The following CEP89 variants were observed in gnomAD, a reference collection of about 807,000 sequenced individuals.
CEP89 encodes the protein centrosomal protein of 89 kDa.
Under a neutral mutation model 97.6 loss-of-function variants are expected in CEP89, and 95 were observed. That is an observed-to-expected ratio of 0.97 (90% CI 0.82 to 1.15). CEP89 has a LOEUF of 1.15. CEP89 is among the 50% of genes most tolerant of loss of function. The pLI is 0.00. For missense variants in CEP89, 869 were observed against 947.7 expected, an observed-to-expected ratio of 0.92 and a Z score of 1.09; for synonymous variants, 354 against 349.1, an observed-to-expected ratio of 1.01 and a Z score of -0.16.
At chr19:32,911,533 G>A (rs1356227576) in intron 14 of CEP89, among the ~76,000 whole-genome samples, 1 of 152,178 alleles carries the variant, frequency 6.6e-6, no homozygotes, top group Non-Finnish European at 1.5e-5. Context: ...CGTGCCTGTG[G>A]TCCCAGCTAC....
At chr19:32,918,193 G>T in intron 13 of CEP89, 31 bp downstream of exon 13, 2 of 1,498,072 alleles carry the variant, frequency 1.3e-6, no homozygotes, top group Non-Finnish European at 1.9e-6. Flanking sequence ...TGACATCAAT[G>T]CATGACCAGT....
At chr19:32,885,893 C>T (rs79473838) in intron 17 of CEP89, among the ~76,000 whole-genome samples, 240 of 152,288 alleles carry the variant, frequency 1.6e-3, no homozygotes, top group Middle Eastern at 3.4e-3. Context: ...CTGTCTTTCT[C>T]GGTTCTAGCT....
intron 1 of CEP89, 53 bp downstream of exon 1, chr19:32,971,783 C>T: frequency 6.4e-7 from 1 of 1,555,786 alleles, no homozygotes; most frequent in Non-Finnish European, 8.7e-7. Context: ...ACACTTTACC[C>T]CTAATTCCCG....
chr19:32,924,884 A>G (rs1030037013), intron 11 of CEP89, among the ~76,000 whole-genome samples: 2 of 152,196 alleles, frequency 1.3e-5, no homozygotes, highest in Non-Finnish European at 1.5e-5. Flanking sequence ...TCCAAAGCCT[A>G]AAGTGCTTAT....
intron 16 of CEP89, among the ~76,000 whole-genome samples, chr19:32,898,910 C>T (rs976206164): frequency 3.4e-5 from 5 of 147,052 alleles, no homozygotes; most frequent in South Asian, 2.2e-4. Context: ...AAGATAAATG[C>T]TTGTGGTGAT....
intron 4 of CEP89, among the ~76,000 whole-genome samples, chr19:32,950,227 C>G (rs1970882380): frequency 6.6e-6 from 1 of 151,978 alleles, no homozygotes; most frequent in Non-Finnish European, 1.5e-5. Flanking sequence ...AAGTGACTCA[C>G]TATTCTCAAG....
chr19:32,902,266 C>T (rs973767041), intron 14 of CEP89, among the ~76,000 whole-genome samples: 1 of 152,076 alleles, frequency 6.6e-6, no homozygotes, highest in Non-Finnish European at 1.5e-5. Context: ...TAGAGAGTAA[C>T]TTGGGATAGG....
In CEP89 at chr19:32,933,414, C is replaced by A. The variant is rs1156508878; in HGVS notation, c.886+37G>T. The A allele has an allele frequency of 2.2e-6, 3 of 1,373,002 alleles. No homozygotes were observed. In the African/African-American group the frequency reaches 4.3e-5, roughly 20 times the overall value. The allele number at this position is 1,373,002 out of a possible 1,614,324, so 85.1% of individuals were successfully genotyped here. Reference sequence around the variant, plus strand: ...CTCAAAATAATTGAGTGAAGTCCTGCTCATTCCTCTAATAAAGGCACTCTG... The same window carrying A: ...CTCAAAATAATTGAGTGAAGTCCTGATCATTCCTCTAATAAAGGCACTCTG... On this transcript the variant is annotated intron_variant, in intron 8 of 18. Coordinates refer to ENST00000305768, the MANE Select transcript of CEP89 (RefSeq NM_032816.5).
intron 15 of CEP89, among the ~76,000 whole-genome samples, chr19:32,901,036 C>T (rs1316437271): frequency 1.3e-5 from 2 of 151,872 alleles, no homozygotes; most frequent in African/African-American, 4.8e-5. Flanking sequence ...CAGGTGCGTG[C>T]CACTACCGCC....
chr19:32,956,687 C>T (rs1192036872), intron 3 of CEP89, among the ~76,000 whole-genome samples: 2 of 152,060 alleles, frequency 1.3e-5, no homozygotes, highest in African/African-American at 4.8e-5. Context: ...TTTGAAATTA[C>T]TAAAATTAAT....
intron 16 of CEP89, among the ~76,000 whole-genome samples, chr19:32,891,184 G>A (rs151277597): frequency 5.3e-5 from 8 of 152,262 alleles, no homozygotes; most frequent in Non-Finnish European, 7.4e-5. Flanking sequence ...CCCTCCAGCC[G>A]CAGAGCCCTG....
chr19:32,905,002 T>C (rs1472873187), intron 14 of CEP89, among the ~76,000 whole-genome samples: 1 of 152,232 alleles, frequency 6.6e-6, no homozygotes, highest in East Asian at 1.9e-4. Flanking sequence ...GATTTGTAGA[T>C]TTGTTTTCTA....
At position 32,878,826 on chromosome 19, in the gene CEP89, G is replaced by C; in HGVS notation, c.*336C>G. The C allele has an allele frequency of 4.8e-6, 1 of 209,086 alleles. No homozygotes were observed. The highest frequency in any genetic ancestry group is 9.5e-6 in the Non-Finnish European group (1 of 105,632). 13.0% of individuals were successfully genotyped at this position (209,086 alleles called of 1,614,324 possible). On this transcript the variant is annotated 3_prime_UTR_variant, in exon 19 of 19. Transcript: ENST00000305768. ...CAACAAAAAAGAAAAAAATTAGCTGGGCCTGACAGTGCACACCTGAGGTCC... is the reference window on the plus strand; with the variant it reads ...CAACAAAAAAGAAAAAAATTAGCTGCGCCTGACAGTGCACACCTGAGGTCC...
rs537381642 is a variant in CEP89, at chr19:32,933,381, T to C, written c.886+70A>G. On this transcript the variant is annotated intron_variant, in intron 8 of 18. Transcript: ENST00000305768. ...CCAACACAAATATCACAACATAAAATATTAACTCTCAAAATAATTGAGTGA... is the reference window on the plus strand; with the variant it reads ...CCAACACAAATATCACAACATAAAACATTAACTCTCAAAATAATTGAGTGA... 3.1e-5 allele frequency: 35 copies of C among 1,120,740 alleles called. No homozygotes were observed. In the African/African-American group the frequency reaches 5.0e-4, roughly 16 times the overall value. 69.4% of individuals were successfully genotyped at this position (1,120,740 alleles called of 1,614,324 possible).
Position 32,971,850 on chromosome 19 carries a change from G to A in CEP89, c.25C>T (p.Arg9Cys). Residue 9 changes from arginine to cysteine, a missense_variant, in exon 1 of 19, where the codon CGC becomes TGC. By Grantham distance (180) the Arg-to-Cys change is radical. Transcript: ENST00000305768. ...CATCTACTTACGAAATGACTCCTGC[G>A]GCCTCTCCGAAATCCCAGGAGCATC... Reference protein sequence around the residue: MLLGFRRGRRSHFKHIIHG... With the variant: MLLGFRRGCRSHFKHIIHG... The A allele has an allele frequency of 6.3e-7, 1 of 1,594,364 alleles. No individual in the cohort carries two copies. Among genetic ancestry groups the A allele is most frequent in the East Asian group, 2.3e-5 (1 of 43,490 alleles).
chr19:32,902,856 G>C (rs558635357), intron 14 of CEP89, among the ~76,000 whole-genome samples: 1 of 152,198 alleles, frequency 6.6e-6, no homozygotes, highest in Non-Finnish European at 1.5e-5. Flanking sequence ...CAAACAGTAG[G>C]CAGAACAATT....
At chr19:32,910,080 G>C (rs1416883025) in intron 14 of CEP89, among the ~76,000 whole-genome samples, 1 of 152,180 alleles carries the variant, frequency 6.6e-6, no homozygotes, top group Non-Finnish European at 1.5e-5. Flanking sequence ...GGCCAACATG[G>C]TGAAACCCCG....
intron 14 of CEP89, among the ~76,000 whole-genome samples, chr19:32,902,856 G>A (rs558635357): frequency 6.6e-6 from 1 of 152,316 alleles, no homozygotes; most frequent in South Asian, 2.1e-4. Context: ...CAAACAGTAG[G>A]CAGAACAATT....
chr19:32,966,595 GC>G, intron 1 of CEP89, 129 bp from the exon 2 acceptor site: 1 of 433,168 alleles, frequency 2.3e-6, no homozygotes, highest in Non-Finnish European at 4.0e-6. Context: ...CCCATCAGAA[GC>G]CCACTCCTCC....
Sources: gnomAD v4.1 joint callset for allele counts (sites outside exome capture counted in the v4.1 genomes callset) on GRCh38, gnomAD v4.1.1 for gene constraint, MANE v1.5 for transcripts, NCBI Gene and HGNC (gene_info 2026-07-23, HGNC 2026-07-21) for gene names.